Variants in CDH23 observed in about 807,000 individuals in gnomAD.
The protein encoded by CDH23 is cadherin-23.
CDH23 carries 189 observed loss-of-function variants against 317.1 expected under a neutral mutation model. The observed-to-expected ratio is 0.60, with a 90% CI of 0.53 to 0.67. The LOEUF is 0.67. Among genes scored for constraint, CDH23 ranks in the 30% least tolerant of loss-of-function variants. The probability of loss-of-function intolerance (pLI) is 0.00; values close to 1 mark genes in which losing one functional copy is unlikely to be tolerated. For synonymous variants in CDH23, 1,839 were observed against 1,876.8 expected, an observed-to-expected ratio of 0.98 and a Z score of 0.52; for missense variants, 4,401 against 4,592.4, an observed-to-expected ratio of 0.96 and a Z score of 1.20.
At chr10:71,589,370 G>T (rs995817774) in intron 9 of CDH23, among the ~76,000 whole-genome samples, 3 of 152,118 alleles carry the variant, frequency 2.0e-5, no homozygotes, top group Non-Finnish European at 4.4e-5. Context: ...CACCCACCTT[G>T]GCCTCCGAAA....
intron 18 of CDH23, among the ~76,000 whole-genome samples, chr10:71,686,426 G>A (rs560427629): frequency 1.8e-4 from 27 of 152,068 alleles, no homozygotes; most frequent in Non-Finnish European, 3.1e-4. Context: ...GAGCCAAGGG[G>A]CAGATTGGAG....
chr10:71,694,426 C>T (rs1464280392), intron 21 of CDH23, among the ~76,000 whole-genome samples, 167 bp downstream of exon 21: 1 of 152,074 alleles, frequency 6.6e-6, no homozygotes, highest in African/African-American at 2.4e-5. Flanking sequence ...CCCGGGGCCA[C>T]CACAGCTGTG....
intron 9 of CDH23, 100 bp downstream of exon 9, chr10:71,578,092 C>T (rs1014634382): frequency 1.6e-5 from 20 of 1,214,338 alleles, no homozygotes; most frequent in Admixed American, 1.4e-4. Flanking sequence ...GAGAGGTCTG[C>T]GGGCATGTGG....
intron 38 of CDH23, among the ~76,000 whole-genome samples, chr10:71,767,950 C>T (rs3747864): frequency 0.087 from 13,267 of 152,212 alleles, 831 homozygotes; most frequent in East Asian, 0.28. Context: ...CCAGAGGTCC[C>T]GGCCCGTGGA....
chr10:71,693,380 C>T lies in CDH23; in HGVS notation c.2177-767C>T, dbSNP rs138206337. On this transcript the variant is annotated intron_variant, in intron 20 of 69. Coordinates refer to ENST00000224721, the MANE Select transcript of CDH23 (RefSeq NM_022124.6). ...AGTTACACCAAAATACAAAGAAAGA[C>T]CAAATACAGGCGAACAAGAAATGTT... 2.3e-4 allele frequency among the ~76,000 whole-genome samples: 35 copies of T among 152,068 alleles called. No individual in the cohort carries two copies. The East Asian group carries it at 6.2e-3, about 27-fold the overall frequency.
At chr10:71,417,826 T>C (rs1480073619) in intron 1 of CDH23, among the ~76,000 whole-genome samples, 10 of 152,194 alleles carry the variant, frequency 6.6e-5, no homozygotes, top group Admixed American at 4.6e-4. Flanking sequence ...CCCAGGATGG[T>C]CTCTAACTCA....
At chr10:71,475,059 CT>C (rs1030492396) in intron 3 of CDH23, among the ~76,000 whole-genome samples, 4 of 152,210 alleles carry the variant, frequency 2.6e-5, no homozygotes, top group African/African-American at 9.7e-5. Context: ...GGAATGGTGA[CT>C]ATTTGCCCCT....
At position 71,789,027 on chromosome 10, in the gene CDH23, GA is replaced by G; in HGVS notation, c.5912del (p.Asn1971ThrfsTer28). On this transcript the variant is annotated frameshift_variant, in exon 45 of 70. Coordinates refer to ENST00000224721, the MANE Select transcript of CDH23 (RefSeq NM_022124.6). LOFTEE classifies it high-confidence loss of function. Reference sequence around the variant, plus strand: ...AAGCACCTACCAGGCAGAGGTGATGGAAAACTCTCCCGCTGGTAGGTGCTGG... The same window carrying G: ...AAGCACCTACCAGGCAGAGGTGATGGAAACTCTCCCGCTGGTAGGTGCTGG... ...TKSTYQAEVM[E>X]NSPAGTPLTV... 3 of 1,569,914 alleles carry G rather than the reference GA, an allele frequency of 1.9e-6. No individual in the cohort carries two copies. The highest frequency in any genetic ancestry group is 1.1e-5 in the South Asian group (1 of 90,194).
chr10:71,689,098 G>GTGGTGGAGCCAGGGA (rs1865069283), intron 19 of CDH23, among the ~76,000 whole-genome samples: 4 of 20,676 alleles, frequency 1.9e-4, no homozygotes, highest in East Asian at 2.6e-3. Context: ...GGAGCCAGGG[G>GTGGTGGAGCCAGGGA]TGGTGGAGTC....
intron 18 of CDH23, among the ~76,000 whole-genome samples, chr10:71,684,407 A>C (rs1326347508): frequency 6.6e-6 from 1 of 152,178 alleles, no homozygotes; most frequent in Non-Finnish European, 1.5e-5. Context: ...CCAGTAGGAC[A>C]GGAAGGTGAA....
At chr10:71,576,850 G>C (rs936131810) in intron 8 of CDH23, among the ~76,000 whole-genome samples, 6 of 152,190 alleles carry the variant, frequency 3.9e-5, no homozygotes, top group Non-Finnish European at 5.9e-5. Context: ...ACAAACTCTT[G>C]TTTGTTCGTT....
At position 71,682,441 on chromosome 10, in the gene CDH23, G is replaced by T. The variant is rs1332559395; in HGVS notation, c.1859-4G>T. 5 of 1,611,284 alleles carry T rather than the reference G, an allele frequency of 3.1e-6. No individual in the cohort carries two copies. The highest frequency in any genetic ancestry group is 4.2e-6 in the Non-Finnish European group (5 of 1,178,744). Reference sequence around the variant, plus strand: ...AGGGATCTGGCCTGTTCCTGTCATTGCAGTGATCAGCGTCAGTCGCCCCCT... The same window carrying T: ...AGGGATCTGGCCTGTTCCTGTCATTTCAGTGATCAGCGTCAGTCGCCCCCT... On this transcript the variant is annotated splice_polypyrimidine_tract_variant and splice_region_variant and intron_variant, in intron 17 of 69. Transcript: ENST00000224721.
intron 1 of CDH23, among the ~76,000 whole-genome samples, chr10:71,399,214 T>A (rs542192141): frequency 6.6e-6 from 1 of 152,368 alleles, no homozygotes; most frequent in South Asian, 2.1e-4. Flanking sequence ...CCTCAGAGTG[T>A]GGCCTGTGGA....
At position 71,412,340 on chromosome 10, in the gene CDH23, G is replaced by A. The variant is rs777953336; in HGVS notation, c.-6+15022G>A. On this transcript the variant is annotated intron_variant, in intron 1 of 69. Transcript: ENST00000224721. ...TGTATACCTAGGTGTGGAGTTCCTG[G>A]ATAATATGGTAATTTTATGTTTAAT... is the stretch of plus-strand genomic sequence containing the variant. 5.9e-5 allele frequency among the ~76,000 whole-genome samples: 9 copies of A among 152,162 alleles called. No individual in the cohort carries two copies. In the South Asian group the frequency reaches 6.2e-4, roughly 10 times the overall value.
chr10:71,628,921 C>T (rs915297781), intron 11 of CDH23, among the ~76,000 whole-genome samples: 1 of 152,206 alleles, frequency 6.6e-6, no homozygotes, highest in South Asian at 2.1e-4. Context: ...GATATCTTTG[C>T]TCTTTTCACA....
At chr10:71,660,720 TA>T (rs1863613158) in intron 14 of CDH23, among the ~76,000 whole-genome samples, 1 of 152,194 alleles carries the variant, frequency 6.6e-6, no homozygotes. Context: ...CAGTTTCTGT[TA>T]ATTTGTGAAA....
chr10:71,509,595 C>G (rs1425457541), intron 3 of CDH23, among the ~76,000 whole-genome samples: 1 of 152,218 alleles, frequency 6.6e-6, no homozygotes, highest in African/African-American at 2.4e-5. Context: ...GTAGTTCCAG[C>G]AAAAGTCCCA....
chr10:71,453,386 C>T (rs980524735), intron 3 of CDH23, among the ~76,000 whole-genome samples: 8 of 152,244 alleles, frequency 5.3e-5, no homozygotes, highest in East Asian at 1.9e-4. Context: ...AGGAGCGGTG[C>T]GCCTGCAAGC....
rs1841615363 is a variant in CDH23, at chr10:71,803,376, G to A, written c.7828G>A (p.Val2610Ile). The A allele has an allele frequency of 6.2e-7, 1 of 1,600,422 alleles. No homozygotes were observed. The highest frequency in any genetic ancestry group is 8.5e-7 in the Non-Finnish European group (1 of 1,174,120). ...EVIDVNDNRP[V>I]FVRPPNGTIL... is the part of the protein sequence containing the mutation. The stretch of plus-strand genomic sequence containing the variant: ...CATCGACGTCAATGACAACCGCCCT[G>A]TCTTTGTGCGCCCACCCAACGGCAC... Residue 2610 changes from valine to isoleucine, a missense_variant, in exon 55 of 70, where the codon GTC becomes ATC. Physicochemically the swap from Val to Ile is conservative, Grantham distance 29. Around this residue, in one of 3 missense-constraint regions of CDH23, gnomAD observed 1,144 missense variants for 1,138.2 expected, o/e 1.01. Coordinates refer to ENST00000224721, the MANE Select transcript of CDH23 (RefSeq NM_022124.6).
Sources: allele counts gnomAD v4.1 joint callset (sites outside exome capture counted in the v4.1 genomes callset), GRCh38; gene constraint gnomAD v4.1.1; regional missense constraint gnomAD v4.1.1; transcripts MANE v1.5; gene names NCBI Gene and HGNC (gene_info 2026-07-23, HGNC 2026-07-21).